The following GALNTL6 variants were observed in gnomAD, a reference collection of about 807,000 sequenced individuals.
GALNTL6 encodes the protein polypeptide N-acetylgalactosaminyltransferase-like 6.
Under a neutral mutation model 73.7 loss-of-function variants are expected in GALNTL6, and 46 were observed. The ratio of observed to expected loss-of-function variants is 0.62; its 90% CI spans 0.49 to 0.80. The LOEUF (loss-of-function observed/expected upper bound fraction) is 0.80, where lower values mean the gene tolerates loss of function less well. GALNTL6 is among the 30% of genes least tolerant of loss of function. GALNTL6 has a pLI of 0.00. For missense variants in GALNTL6, 604 were observed against 755.0 expected, an observed-to-expected ratio of 0.80 and a Z score of 2.34; for synonymous variants, 259 against 263.7, an observed-to-expected ratio of 0.98 and a Z score of 0.17.
At chr4:172,021,328 A>C (rs1395975108) in intron 2 of GALNTL6, among the ~76,000 whole-genome samples, 1 of 152,066 alleles carries the variant, frequency 6.6e-6, no homozygotes, top group Non-Finnish European at 1.5e-5. Flanking sequence ...AATTTGAAAG[A>C]AAGAAATGAA....
intron 5 of GALNTL6, among the ~76,000 whole-genome samples, chr4:172,743,375 T>G (rs935415296): frequency 1.5e-5 from 2 of 134,290 alleles, no homozygotes; most frequent in Non-Finnish European, 3.2e-5. Context: ...ATATAGTATA[T>G]GTTGCCTCAA....
At chr4:171,834,859 G>A (rs866397817) in intron 2 of GALNTL6, among the ~76,000 whole-genome samples, 21 of 152,080 alleles carry the variant, frequency 1.4e-4, no homozygotes, top group African/African-American at 4.6e-4. Flanking sequence ...GGAGTACTTT[G>A]TTGTTGTCTT....
chr4:172,041,461 G>A (rs1011184028), intron 2 of GALNTL6, among the ~76,000 whole-genome samples: 2 of 151,986 alleles, frequency 1.3e-5, no homozygotes, highest in African/African-American at 4.8e-5. Flanking sequence ...ACTGTTCATT[G>A]TGAACCTTAG....
chr4:172,420,933 G>A (rs1366426921), intron 5 of GALNTL6, among the ~76,000 whole-genome samples: 2 of 151,956 alleles, frequency 1.3e-5, no homozygotes, highest in East Asian at 1.9e-4. Context: ...AACACTGCAT[G>A]TTCTCACTCA....
In GALNTL6 at chr4:172,796,842, C is replaced by A. The variant is rs1008117746; in HGVS notation, c.554-12519C>A. Among the ~76,000 whole-genome samples, 7 of 152,240 alleles carry A rather than the reference C, an allele frequency of 4.6e-5. No individual in the cohort carries two copies. In the South Asian group the frequency reaches 1.5e-3, roughly 32 times the overall value. On this transcript the variant is annotated intron_variant, in intron 5 of 12. Transcript: ENST00000506823. ...CAATTCCCAGATATTTAATTTAGTT[C>A]TGGTCTCATCTAAATTGAAATTTTG... is the stretch of plus-strand genomic sequence containing the variant.
chr4:172,417,025 T>C (rs1162747900), intron 5 of GALNTL6, among the ~76,000 whole-genome samples: 2 of 152,278 alleles, frequency 1.3e-5, no homozygotes, highest in Non-Finnish European at 2.9e-5. Context: ...AAAAATTGCT[T>C]TAGGTAATCA....
At chr4:172,743,488 G>T (rs1170280475) in intron 5 of GALNTL6, among the ~76,000 whole-genome samples, 1 of 152,050 alleles carries the variant, frequency 6.6e-6, no homozygotes, top group Non-Finnish European at 1.5e-5. Context: ...GTGACATACT[G>T]CAGATCGTTG....
intron 3 of GALNTL6, among the ~76,000 whole-genome samples, chr4:172,296,749 A>C (rs1193280205): frequency 6.6e-6 from 1 of 152,050 alleles, no homozygotes; most frequent in African/African-American, 2.4e-5. Flanking sequence ...CATTTTCTTA[A>C]TCCAGTCTAT....
chr4:172,489,544 C>G (rs1254737290), intron 5 of GALNTL6, among the ~76,000 whole-genome samples: 1 of 152,098 alleles, frequency 6.6e-6, no homozygotes. Context: ...TTTATACGCA[C>G]AGAGCAATAA....
intron 2 of GALNTL6, among the ~76,000 whole-genome samples, chr4:171,837,070 G>A (rs1207763175): frequency 2.0e-5 from 3 of 152,134 alleles, no homozygotes; most frequent in Admixed American, 1.3e-4. Flanking sequence ...ACCACAATGC[G>A]TAAATGACAA....
At chr4:172,001,524 TG>T (rs1184869663) in intron 2 of GALNTL6, among the ~76,000 whole-genome samples, 1 of 152,130 alleles carries the variant, frequency 6.6e-6, no homozygotes, top group Non-Finnish European at 1.5e-5. Context: ...TAGTTTTCCT[TG>T]ACAATGACAT....
At chr4:173,019,880 G>C (rs973456718) in intron 11 of GALNTL6, among the ~76,000 whole-genome samples, 2 of 152,206 alleles carry the variant, frequency 1.3e-5, no homozygotes, top group Non-Finnish European at 2.9e-5. Flanking sequence ...AATTTTGCCA[G>C]GTTCTCTACA....
chr4:172,691,744 C>A (rs1411005850), intron 5 of GALNTL6, among the ~76,000 whole-genome samples: 6 of 152,226 alleles, frequency 3.9e-5, no homozygotes, highest in Admixed American at 1.3e-4. Context: ...AGGTCACATA[C>A]ACTTACCATA....
chr4:172,928,608 G>T (rs1748178033), intron 8 of GALNTL6, among the ~76,000 whole-genome samples: 1 of 152,066 alleles, frequency 6.6e-6, no homozygotes, highest in Non-Finnish European at 1.5e-5. Context: ...CATTTTATTA[G>T]AAATTTCTTC....
intron 5 of GALNTL6, among the ~76,000 whole-genome samples, chr4:172,628,099 A>G (rs890519544): frequency 6.6e-6 from 1 of 152,160 alleles, no homozygotes; most frequent in Non-Finnish European, 1.5e-5. Context: ...ATATAAAAAA[A>G]CTGTCATGCA....
At chr4:172,360,057 G>T (rs1411729537) in intron 5 of GALNTL6, among the ~76,000 whole-genome samples, 2 of 152,172 alleles carry the variant, frequency 1.3e-5, no homozygotes, top group East Asian at 3.9e-4. Flanking sequence ...CTGCCCTGCT[G>T]ACTTACTTAA....
chr4:172,020,899 C>A (rs922561341), intron 2 of GALNTL6, among the ~76,000 whole-genome samples: 1 of 151,880 alleles, frequency 6.6e-6, no homozygotes, highest in Non-Finnish European at 1.5e-5. Flanking sequence ...TGCAAAAGTC[C>A]TCAACAAAAT....
chr4:171,960,573 C>T (rs964081738), intron 2 of GALNTL6, among the ~76,000 whole-genome samples: 1 of 151,770 alleles, frequency 6.6e-6, no homozygotes, highest in Non-Finnish European at 1.5e-5. Context: ...AGCCACCACG[C>T]CCTGCCAGGA....
At chr4:172,951,416 C>T (rs1203278686) in intron 9 of GALNTL6, among the ~76,000 whole-genome samples, 1 of 152,252 alleles carries the variant, frequency 6.6e-6, no homozygotes, top group Admixed American at 6.5e-5. Context: ...GCTTCCTTCA[C>T]CCCAGGGACA....
Sources: gnomAD v4.1 joint callset for allele counts (sites outside exome capture counted in the v4.1 genomes callset) on GRCh38, gnomAD v4.1.1 for gene constraint, MANE v1.5 for transcripts, NCBI Gene and HGNC (gene_info 2026-07-23, HGNC 2026-07-21) for gene names.